The following FAT4 variants were observed in gnomAD, a reference collection of about 807,000 sequenced individuals.
FAT4 encodes the protein protocadherin Fat 4.
Under a neutral mutation model 303.9 loss-of-function variants are expected in FAT4, and 84 were observed. The observed-to-expected ratio is 0.28, with a 90% CI of 0.23 to 0.33. The LOEUF is 0.33. Among genes scored for constraint, FAT4 ranks in the 10% least tolerant of loss-of-function variants. The pLI is 1.00. For synonymous variants in FAT4, 2,307 were observed against 2,298.8 expected (o/e 1.00, Z -0.10); for missense variants, 6,005 against 6,146.8 (o/e 0.98, Z 0.77).
intron 2 of FAT4, among the ~76,000 whole-genome samples, chr4:125,396,135 T>A (rs1734159958): frequency 6.6e-6 from 1 of 152,074 alleles, no homozygotes; most frequent in African/African-American, 2.4e-5. Context: ...ACTGTGTAAG[T>A]TTTCTTTACT....
intron 7 of FAT4, among the ~76,000 whole-genome samples, chr4:125,425,279 T>A (rs59208392): frequency 0.15 from 22,595 of 152,124 alleles, 1,837 homozygotes; most frequent in South Asian, 0.27. Flanking sequence ...AAACAACTTG[T>A]ACTGCCCATT....
At chr4:125,485,772 T>A (rs1328716514) in intron 16 of FAT4, among the ~76,000 whole-genome samples, 1 of 152,190 alleles carries the variant, frequency 6.6e-6, no homozygotes. Context: ...TTTATACAAC[T>A]GGCAGCTCAG....
rs780265799 is a variant in FAT4 at position 125,318,516 on chromosome 4, A to G, written c.2105A>G (p.Glu702Gly). The change falls in exon 2 of 18, where the codon GAG becomes GGG. Residue 702 changes from glutamate (E) to glycine (G), a missense_variant. Transcript: ENST00000394329. ...TACTTTGCTCACATTAAGGAGAATG[A>G]GCCTGGAGGTAGCTACATCACCACT... is the stretch of plus-strand genomic sequence containing the variant. ...VQYFAHIKEN[E>G]PGGSYITTVS... is the part of the protein sequence containing the mutation. The G allele has an allele frequency of 6.2e-7, 1 of 1,614,180 alleles. No homozygotes were observed. The highest frequency in any genetic ancestry group is 8.5e-7 in the Non-Finnish European group (1 of 1,180,044).
intron 5 of FAT4, among the ~76,000 whole-genome samples, chr4:125,410,478 C>A (rs1734798152): frequency 6.6e-6 from 1 of 152,084 alleles, no homozygotes; most frequent in African/African-American, 2.4e-5. Context: ...TCTGCTATAA[C>A]TTTTAGTTAG....
intron 2 of FAT4, among the ~76,000 whole-genome samples, chr4:125,380,912 G>A (rs1241301030): frequency 2.6e-5 from 4 of 152,142 alleles, no homozygotes; most frequent in South Asian, 2.1e-4. Flanking sequence ...AGTAGTAAAC[G>A]ATTATATCAA....
At chr4:125,468,017 A>G (rs892489167) in intron 11 of FAT4, among the ~76,000 whole-genome samples, 1 of 152,114 alleles carries the variant, frequency 6.6e-6, no homozygotes, top group Non-Finnish European at 1.5e-5. Context: ...ATACAAAATT[A>G]GCCAGGCATG....
rs776841261 is a variant in FAT4 at position 125,449,354 on chromosome 4, C to A, written c.8344C>A (p.His2782Asn). 4.3e-6 allele frequency: 7 copies of A among 1,613,772 alleles called. No homozygotes were observed. The Admixed American group carries it at 1.0e-4, about 23-fold the overall frequency. ...APRFSQIFSA[H>N]VPENSPLGYT... ...TAGGTTTTCTCAGATATTTAGTGCC[C>A]ATGTTCCTGAAAATTCCCCCTTAGG... The change falls in exon 10 of 18, where the codon CAT becomes AAT. Residue 2782 changes from histidine to asparagine, a missense_variant. Transcript: ENST00000394329.
At chr4:125,465,255 A>G (rs947102274) in intron 11 of FAT4, among the ~76,000 whole-genome samples, 2 of 152,176 alleles carry the variant, frequency 1.3e-5, no homozygotes, top group Non-Finnish European at 2.9e-5. Flanking sequence ...TTTCTTTGAA[A>G]TTCTAACAAT....
chr4:125,316,599 C>G lies in FAT4; in HGVS notation c.188C>G (p.Thr63Ser). ...CAACCTCCAGGCACTCTGGTAGGCACCATCCAGACGCGCCCCGGCTTCACC... is the reference window on the plus strand; with the variant it reads ...CAACCTCCAGGCACTCTGGTAGGCAGCATCCAGACGCGCCCCGGCTTCACC... ...EEQPPGTLVG[T>S]IQTRPGFTYR... Residue 63 changes from threonine to serine, a missense_variant, in exon 2 of 18, where the codon ACC becomes AGC. By Grantham distance (58) the Thr-to-Ser change is moderately conservative (BLOSUM62 1). Transcript: ENST00000394329. This position sits in a 1 kb window ranked among gnomAD's most constrained non-coding sequence, Gnocchi z 5.7. 1 of 1,614,052 alleles carries G rather than the reference C, an allele frequency of 6.2e-7. No homozygotes were observed. The highest frequency in any genetic ancestry group is 8.5e-7 in the Non-Finnish European group (1 of 1,180,028).
chr4:125,486,301 C>G (rs1393449367), intron 16 of FAT4, among the ~76,000 whole-genome samples: 1 of 150,102 alleles, frequency 6.7e-6, no homozygotes, highest in Non-Finnish European at 1.5e-5. Flanking sequence ...ATATTATTAT[C>G]TGGAAAAATT....
At chr4:125,463,773 C>A in intron 11 of FAT4, 106 bp downstream of exon 11, 1 of 566,650 alleles carries the variant, frequency 1.8e-6, no homozygotes, top group South Asian at 3.2e-5. Context: ...TATTGTTTTA[C>A]ATGGAAGGTT....
intron 2 of FAT4, among the ~76,000 whole-genome samples, chr4:125,343,801 A>G (rs1731891450): frequency 6.6e-6 from 1 of 152,204 alleles, no homozygotes; most frequent in African/African-American, 2.4e-5. Flanking sequence ...TTCTGAAAAA[A>G]AGTTTGATCT....
rs746510253 is a variant in FAT4 at position 125,414,907 on chromosome 4, A to C, written c.5944A>C (p.Ser1982Arg). Residue 1982 changes from serine to arginine, a missense_variant, in exon 6 of 18, where the codon AGC (serine) becomes CGC (arginine). Transcript: ENST00000394329. ...AGGCATCAACTCTCAATTGACTTAT[A>C]GCATTGCTTCAGGTGATAGCCTTGG... ...DDGINSQLTY[S>R]IASGDSLGQF... The C allele has an allele frequency of 4.4e-6, 7 of 1,601,722 alleles. No homozygotes were observed. Among genetic ancestry groups the C allele is most frequent in the Non-Finnish European group, 4.3e-6 (5 of 1,170,770 alleles).
At chr4:125,365,161 C>G (rs559390580) in intron 2 of FAT4, among the ~76,000 whole-genome samples, 1 of 152,216 alleles carries the variant, frequency 6.6e-6, no homozygotes, top group Non-Finnish European at 1.5e-5. Context: ...TTAGGGAATA[C>G]CGGATGAGGA....
In FAT4 at chr4:125,416,620, C is replaced by T. The variant is rs373528845; in HGVS notation, c.7016C>T (p.Ser2339Leu). ...GTCTTAATGATTACAGCTACAGATT[C>T]AGGTAAGTCCATTACACCCTTGTTC... ...RFVLMITATD[S>L]GSPALTGTGT... The change falls in exon 7 of 18, where the codon TCA becomes TTA. Residue 2339 changes from serine to leucine, a missense_variant and splice_region_variant. Physicochemically the swap from Ser to Leu is moderately radical, Grantham distance 145 (BLOSUM62 -2). Transcript: ENST00000394329. 3.7e-6 allele frequency: 6 copies of T among 1,613,410 alleles called. No individual in the cohort carries two copies. The highest frequency in any genetic ancestry group is 5.1e-6 in the Non-Finnish European group (6 of 1,179,584).
chr4:125,386,231 A>G (rs1312796079), intron 2 of FAT4, among the ~76,000 whole-genome samples: 2 of 152,124 alleles, frequency 1.3e-5, no homozygotes, highest in African/African-American at 4.8e-5. Context: ...TAAATGTTTC[A>G]CTGTTTGAAA....
intron 2 of FAT4, among the ~76,000 whole-genome samples, chr4:125,359,231 A>G (rs1020217498): frequency 9.9e-5 from 15 of 152,168 alleles, no homozygotes; most frequent in African/African-American, 3.6e-4. Context: ...AGTGAGTCAT[A>G]GTCAGGTGGA....
chr4:125,415,372 T>C lies in FAT4; in HGVS notation c.6409T>C (p.Ser2137Pro), dbSNP rs773855935. 5 of 1,614,050 alleles carry C rather than the reference T, an allele frequency of 3.1e-6. No individual in the cohort carries two copies. Among genetic ancestry groups the C allele is most frequent in the Non-Finnish European group, 4.2e-6 (5 of 1,179,982 alleles). ...TDKGQPSLSS[S>P]TEVVVMVLDI... is the part of the protein sequence containing the mutation. ...CAAAGGTCAACCATCTCTCTCTTCA[T>C]CTACAGAGGTTGTAGTTATGGTACT... Residue 2137 changes from serine to proline, a missense_variant, in exon 6 of 18, where the codon TCT (serine) becomes CCT (proline). By Grantham distance (74) the Ser-to-Pro change is moderately conservative (BLOSUM62 -1). Coordinates refer to ENST00000394329, the MANE Select transcript of FAT4 (RefSeq NM_001291303.3).
chr4:125,390,150 G>A (rs989457352), intron 2 of FAT4, among the ~76,000 whole-genome samples: 6 of 152,086 alleles, frequency 3.9e-5, no homozygotes, highest in Non-Finnish European at 8.8e-5. Context: ...GAAATATTTA[G>A]AGCCTAAACC....
Sources: allele counts gnomAD v4.1 joint callset (sites outside exome capture counted in the v4.1 genomes callset), GRCh38; gene constraint gnomAD v4.1.1; non-coding constraint Gnocchi (gnomAD v3.1); transcripts MANE v1.5; gene names NCBI Gene and HGNC (gene_info 2026-07-23, HGNC 2026-07-21).